ATG4C: variants seen among roughly 807,000 people sequenced by gnomAD.
ATG4C encodes the protein cysteine protease ATG4C.
In ATG4C, 56 loss-of-function variants were observed where a neutral mutation model predicts 57.6. The observed-to-expected ratio is 0.97, with a 90% CI of 0.78 to 1.21. The LOEUF (loss-of-function observed/expected upper bound fraction) is 1.21, where lower values mean the gene tolerates loss of function less well. ATG4C is among the 50% of genes most tolerant of loss of function. The probability of loss-of-function intolerance (pLI) is 0.00; values close to 1 mark genes in which losing one functional copy is unlikely to be tolerated. For synonymous variants in ATG4C, 157 were observed against 174.1 expected (o/e 0.90, Z 0.78); for missense variants, 595 against 529.8 (o/e 1.12, Z -1.21).
At chr1:62,834,941 G>A (rs1308928459) in intron 9 of ATG4C, 89 bp downstream of exon 9, 9 of 1,023,616 alleles carry the variant, frequency 8.8e-6, no homozygotes, top group Non-Finnish European at 1.3e-5. Context: ...TGCTTTTACG[G>A]TATTATAACT....
chr1:62,862,872 G>T (rs574098078), intron 10 of ATG4C, among the ~76,000 whole-genome samples: 3 of 152,102 alleles, frequency 2.0e-5, no homozygotes, highest in African/African-American at 7.2e-5. Flanking sequence ...AGATAATGCA[G>T]TTTTGCCTCT....
chr1:62,813,549 C>CA (rs1371855416), intron 3 of ATG4C, among the ~76,000 whole-genome samples: 10 of 152,164 alleles, frequency 6.6e-5, no homozygotes. Flanking sequence ...GCAAGGACTT[C>CA]ATGTCTAAAA....
intron 6 of ATG4C, among the ~76,000 whole-genome samples, chr1:62,824,663 C>G (rs1000502607): frequency 8.9e-6 from 1 of 112,284 alleles, no homozygotes. Flanking sequence ...CTCTTTCTCT[C>G]TCTCTCTTTT....
Position 62,819,227 on chromosome 1 carries a change from A to T in ATG4C, c.617A>T (p.Asp206Val), listed in dbSNP as rs201262005. The change falls in exon 5 of 11, where the codon GAT (aspartate) becomes GTT (valine). Residue 206 changes from aspartate (D) to valine (V), a missense_variant. By Grantham distance (152) the Asp-to-Val change is radical. Coordinates refer to ENST00000317868, the MANE Select transcript of ATG4C (RefSeq NM_032852.4). The part of the protein sequence containing the change: ...YHRKIISWFG[D>V]SPLALFGLHQ... Reference sequence around the variant, plus strand: ...AGGAAAATCATCTCTTGGTTTGGTGATTCCCCCTTGGCTCTTTTTGGCTTA... The same window carrying T: ...AGGAAAATCATCTCTTGGTTTGGTGTTTCCCCCTTGGCTCTTTTTGGCTTA... 3.7e-6 allele frequency: 6 copies of T among 1,613,604 alleles called. No homozygotes were observed. The East Asian group carries it at 1.1e-4, about 30-fold the overall frequency.
chr1:62,843,411 A>G lies in ATG4C; in HGVS notation c.1209+1864A>G, dbSNP rs148749502. On this transcript the variant is annotated intron_variant, in intron 10 of 10. Coordinates refer to ENST00000317868, the MANE Select transcript of ATG4C (RefSeq NM_032852.4). ...TATCAAAAACTCACCATGTCAGTTAATGACACAGTTTCTTTTGCCTGGAAG... is the reference window on the plus strand; with the variant it reads ...TATCAAAAACTCACCATGTCAGTTAGTGACACAGTTTCTTTTGCCTGGAAG... 3.9e-5 allele frequency among the ~76,000 whole-genome samples: 6 copies of G among 152,326 alleles called. No homozygotes were observed. The East Asian group carries it at 1.2e-3, about 29-fold the overall frequency.
chr1:62,854,118 G>T (rs1042350829), intron 10 of ATG4C, among the ~76,000 whole-genome samples: 7 of 150,562 alleles, frequency 4.6e-5, no homozygotes, highest in Non-Finnish European at 1.0e-4. Flanking sequence ...TCTTTTTTTG[G>T]ATGTATTTTC....
At chr1:62,815,907 A>G (rs1238273129) in intron 3 of ATG4C, among the ~76,000 whole-genome samples, 2 of 151,572 alleles carry the variant, frequency 1.3e-5, no homozygotes, top group Non-Finnish European at 2.9e-5. Flanking sequence ...CTGGTCTTGA[A>G]CTCCTGACCT....
intron 1 of ATG4C, among the ~76,000 whole-genome samples, chr1:62,791,876 C>G (rs1664285723): frequency 6.6e-6 from 1 of 152,156 alleles, no homozygotes; most frequent in African/African-American, 2.4e-5. Context: ...CATTATGCTC[C>G]TAGACATTAG....
chr1:62,794,970 T>TA (rs1392209073), intron 1 of ATG4C, among the ~76,000 whole-genome samples: 1 of 152,198 alleles, frequency 6.6e-6, no homozygotes, highest in Admixed American at 6.5e-5. Context: ...ATAAAAAACT[T>TA]AGAGTAGACT....
chr1:62,817,784 G>A (rs2100316192), intron 4 of ATG4C, among the ~76,000 whole-genome samples: 1 of 152,192 alleles, frequency 6.6e-6, no homozygotes, highest in Middle Eastern at 3.4e-3. Flanking sequence ...ACATTTGTAA[G>A]AATATTTTAG....
chr1:62,800,131 A>G (rs1362436559), intron 1 of ATG4C, among the ~76,000 whole-genome samples: 1 of 152,270 alleles, frequency 6.6e-6, no homozygotes, highest in East Asian at 1.9e-4. Flanking sequence ...AGGACTGTCC[A>G]GAGTATTCTG....
chr1:62,841,525 G>A lies in ATG4C; in HGVS notation c.1187G>A (p.Arg396Gln), dbSNP rs750198093. Residue 396 changes from arginine to glutamine, a missense_variant, in exon 10 of 11, where the codon CGA (arginine) becomes CAA (glutamine). By Grantham distance (43) the Arg-to-Gln change is conservative. Coordinates refer to ENST00000317868, the MANE Select transcript of ATG4C (RefSeq NM_032852.4). ...FYCRNVQDFK[R>Q]ASEEITKMLK... ...TGTCGAAATGTTCAGGACTTCAAAC[G>A]AGCTTCTGAAGAAATCACCAAGGTA... 6 of 1,592,780 alleles carry A rather than the reference G, an allele frequency of 3.8e-6. No homozygotes were observed. In the African/African-American group the frequency reaches 6.7e-5, roughly 18 times the overall value.
chr1:62,862,590 A>G (rs1666889111), intron 10 of ATG4C, among the ~76,000 whole-genome samples: 1 of 152,012 alleles, frequency 6.6e-6, no homozygotes, highest in South Asian at 2.1e-4. Context: ...TCTTTTTTGT[A>G]GTATATAAAT....
chr1:62,816,169 TTAA>T (rs1490609589), intron 3 of ATG4C, among the ~76,000 whole-genome samples: 4 of 152,268 alleles, frequency 2.6e-5, no homozygotes, highest in South Asian at 2.1e-4. Flanking sequence ...GGATTCTGAG[TTAA>T]TGATTTTTTT....
At position 62,796,104 on chromosome 1, in the gene ATG4C, A is replaced by G. The variant is rs142511960; in HGVS notation, c.-68-7615A>G. Among the ~76,000 whole-genome samples, 1,369 of 151,962 alleles carry G rather than the reference A, an allele frequency of 9.0e-3. 21 individuals carry two copies. Among genetic ancestry groups the G allele is most frequent in the African/African-American group, 0.031 (1,291 of 41,506 alleles). On this transcript the variant is annotated intron_variant, in intron 1 of 10. Coordinates refer to ENST00000317868, the MANE Select transcript of ATG4C (RefSeq NM_032852.4). The stretch of plus-strand genomic sequence containing the variant: ...CCTATTACAAAATTCCTAATTTTAT[A>G]ATTATGGCTAAATTATTACTTTTCT...
intron 3 of ATG4C, among the ~76,000 whole-genome samples, chr1:62,811,715 C>T (rs1044343870): frequency 6.6e-6 from 1 of 152,060 alleles, no homozygotes; most frequent in Admixed American, 6.6e-5. Flanking sequence ...TCTCAGGGAC[C>T]AAAATGATTT....
chr1:62,862,365 A>T (rs1666882828), intron 10 of ATG4C, among the ~76,000 whole-genome samples: 1 of 152,152 alleles, frequency 6.6e-6, no homozygotes, highest in Non-Finnish European at 1.5e-5. Flanking sequence ...TGAAGAGATG[A>T]TAATGTTAAC....
chr1:62,863,931 G>T, intron 10 of ATG4C, 61 bp from the exon 11 acceptor site: 1 of 1,186,430 alleles, frequency 8.4e-7, no homozygotes. Context: ...TAGATTTGTC[G>T]TGTGGTCTTA....
intron 5 of ATG4C, 63 bp from the exon 6 acceptor site, chr1:62,821,076 A>G: frequency 1.5e-6 from 2 of 1,322,102 alleles, no homozygotes; most frequent in East Asian, 4.8e-5. Flanking sequence ...TTCTTAAATT[A>G]AATATTTAGT....
Sources: gnomAD v4.1 joint callset for allele counts (sites outside exome capture counted in the v4.1 genomes callset) on GRCh38, gnomAD v4.1.1 for gene constraint, MANE v1.5 for transcripts, NCBI Gene and HGNC (gene_info 2026-07-23, HGNC 2026-07-21) for gene names.